Variants in ZFAND3 observed in about 807,000 individuals in gnomAD.
ZFAND3 encodes the protein zinc finger AN1-type containing 3, also known as AN1-type zinc finger protein 3.
In ZFAND3, 10 loss-of-function variants were observed where a neutral mutation model predicts 29.6. The ratio of observed to expected loss-of-function variants is 0.34; its 90% CI spans 0.21 to 0.57. The LOEUF is 0.57. ZFAND3 is among the 20% of genes least tolerant of loss of function. ZFAND3 has a pLI of 0.86. For missense variants in ZFAND3, 230 were observed against 304.5 expected (o/e 0.76, Z 1.82); for synonymous variants, 128 against 112.6 (o/e 1.14, Z -0.87).
intron 1 of ZFAND3, among the ~76,000 whole-genome samples, chr6:37,873,202 C>T (rs988362864): frequency 1.3e-5 from 2 of 152,024 alleles, no homozygotes; most frequent in Non-Finnish European, 2.9e-5. Context: ...ACCCGGGAGG[C>T]GAAGCTTGCG....
rs573377222 is a variant in ZFAND3 at position 38,071,734 on chromosome 6, T to C, written c.295+9959T>C. Among the ~76,000 whole-genome samples the C allele has an allele frequency of 5.9e-5, 9 of 152,308 alleles. No homozygotes were observed. The East Asian group carries it at 1.7e-3, about 29-fold the overall frequency. On this transcript the variant is annotated intron_variant, in intron 3 of 5. Coordinates refer to ENST00000287218, the MANE Select transcript of ZFAND3 (RefSeq NM_021943.3). ...TTCTTCTATGTTCTTGGCAAGAGAATGTCATCTCTCTGCACAAGTTTAGAG... is the reference window on the plus strand; with the variant it reads ...TTCTTCTATGTTCTTGGCAAGAGAACGTCATCTCTCTGCACAAGTTTAGAG...
At chr6:37,991,766 C>G (rs71569399) in intron 2 of ZFAND3, among the ~76,000 whole-genome samples, 11,561 of 152,186 alleles carry the variant, frequency 0.076, 536 homozygotes, top group African/African-American at 0.13. Context: ...GTGTGTCTGT[C>G]AGTTTTCTTA....
At chr6:38,138,930 G>T (rs1277078427) in intron 5 of ZFAND3, among the ~76,000 whole-genome samples, 1 of 152,156 alleles carries the variant, frequency 6.6e-6, no homozygotes, top group Non-Finnish European at 1.5e-5. Flanking sequence ...TTCATAGATG[G>T]AAATATAAGT....
At chr6:37,870,292 CAAAAAA>C (rs1174577231) in intron 1 of ZFAND3, among the ~76,000 whole-genome samples, 2 of 33,488 alleles carry the variant, frequency 6.0e-5, no homozygotes, top group African/African-American at 1.3e-4. Flanking sequence ...GAGACTGTCT[CAAAAAA>C]AAAAAAAAAA....
chr6:37,832,633 A>G (rs948226845), intron 1 of ZFAND3, among the ~76,000 whole-genome samples: 1 of 152,096 alleles, frequency 6.6e-6, no homozygotes, highest in Non-Finnish European at 1.5e-5. Context: ...AGCTTATAAG[A>G]CAGTTTCTTG....
At chr6:38,038,232 G>A (rs1763695641) in intron 2 of ZFAND3, among the ~76,000 whole-genome samples, 1 of 152,156 alleles carries the variant, frequency 6.6e-6, no homozygotes, top group African/African-American at 2.4e-5. Context: ...AGCTCTGTTA[G>A]AGAGCTTTGT....
chr6:37,844,657 T>G (rs1764144506), intron 1 of ZFAND3, among the ~76,000 whole-genome samples: 1 of 152,028 alleles, frequency 6.6e-6, no homozygotes. Flanking sequence ...AGCTGTGGTC[T>G]GCTGGCTGAG....
chr6:37,876,677 A>G (rs550152264), intron 1 of ZFAND3, among the ~76,000 whole-genome samples: 1 of 152,322 alleles, frequency 6.6e-6, no homozygotes, highest in East Asian at 1.9e-4. Flanking sequence ...AATGGCTGAC[A>G]TGGTGTGTGT....
chr6:38,102,037 A>G (rs1411615486), intron 4 of ZFAND3, among the ~76,000 whole-genome samples: 1 of 152,166 alleles, frequency 6.6e-6, no homozygotes, highest in Non-Finnish European at 1.5e-5. Context: ...CTGCTAGATT[A>G]CCATCATTAG....
At chr6:38,053,262 T>C (rs1400109739) in intron 2 of ZFAND3, among the ~76,000 whole-genome samples, 2 of 151,624 alleles carry the variant, frequency 1.3e-5, no homozygotes, top group African/African-American at 4.8e-5. Context: ...CATTGAAGGG[T>C]TTAGGCAGGG....
At position 37,841,736 on chromosome 6, in the gene ZFAND3, GC is replaced by G. The variant is rs547644207; in HGVS notation, c.71+21726del. Among the ~76,000 whole-genome samples, 218 of 152,238 alleles carry G rather than the reference GC, an allele frequency of 1.4e-3. 1 individual carries two copies. The highest frequency in any genetic ancestry group is 4.4e-3 in the African/African-American group (181 of 41,530). On this transcript the variant is annotated intron_variant, in intron 1 of 5. Transcript: ENST00000287218. ...CTCACCTTGTGATCCACCAGCCTCGGCCCCCCAAAGCGCTGGGATTACAGGC... is the reference window on the plus strand; with the variant it reads ...CTCACCTTGTGATCCACCAGCCTCGGCCCCCAAAGCGCTGGGATTACAGGC...
chr6:37,945,303 CAG>C (rs1761881907), intron 2 of ZFAND3, among the ~76,000 whole-genome samples: 1 of 152,196 alleles, frequency 6.6e-6, no homozygotes, highest in Non-Finnish European at 1.5e-5. Context: ...ATTCCTGTCT[CAG>C]GGCTTGGGGG....
intron 4 of ZFAND3, among the ~76,000 whole-genome samples, chr6:38,095,071 T>TA: frequency 6.6e-6 from 1 of 152,338 alleles, no homozygotes. Flanking sequence ...AGGTTGTTCC[T>TA]AAAAAATTGA....
chr6:38,101,445 G>A (rs759844844), intron 4 of ZFAND3, among the ~76,000 whole-genome samples: 15 of 152,084 alleles, frequency 9.9e-5, no homozygotes, highest in Non-Finnish European at 1.8e-4. Flanking sequence ...CTAACTTTTG[G>A]TTCATTTAGC....
At chr6:38,019,770 A>C (rs1341267349) in intron 2 of ZFAND3, among the ~76,000 whole-genome samples, 2 of 152,202 alleles carry the variant, frequency 1.3e-5, no homozygotes, top group Admixed American at 6.5e-5. Context: ...CCCAGGCTGT[A>C]GTACAGTGTG....
intron 2 of ZFAND3, among the ~76,000 whole-genome samples, chr6:37,973,924 T>TCTCTATCTCAGAGAGACAGCTTTAGTG (rs1390458154): frequency 1.3e-5 from 2 of 152,228 alleles, no homozygotes; most frequent in Non-Finnish European, 2.9e-5. Flanking sequence ...TTTGATTAGT[T>TCTCTATCTCAGAGAGACAGCTTTAGTG]CTCTATCTCA....
chr6:37,976,584 CAAAAAAAAAAAA>C (rs35783371), intron 2 of ZFAND3, among the ~76,000 whole-genome samples: 17 of 76,892 alleles, frequency 2.2e-4, no homozygotes, highest in Admixed American at 2.9e-4. Context: ...ACACTGTCTC[CAAAAAAAAAAAA>C]AAAAAAAAAA....
chr6:38,072,896 G>A lies in ZFAND3; in HGVS notation c.296-9496G>A, dbSNP rs570818957. Among the ~76,000 whole-genome samples, 31 of 152,258 alleles carry A rather than the reference G, an allele frequency of 2.0e-4. No homozygotes were observed. In the South Asian group the frequency reaches 3.1e-3, roughly 15 times the overall value. On this transcript the variant is annotated intron_variant, in intron 3 of 5. Coordinates refer to ENST00000287218, the MANE Select transcript of ZFAND3 (RefSeq NM_021943.3). Reference sequence around the variant, plus strand: ...AACAATAAGATGGCACCTTAGTGAGGAATTTTTAAAATTCTGAAATATCAG... The same window carrying A: ...AACAATAAGATGGCACCTTAGTGAGAAATTTTTAAAATTCTGAAATATCAG...
intron 2 of ZFAND3, among the ~76,000 whole-genome samples, chr6:37,935,612 A>T (rs1335926890): frequency 6.6e-6 from 1 of 152,178 alleles, no homozygotes; most frequent in South Asian, 2.1e-4. Context: ...TAGTAAAGTT[A>T]TTTTGTGAAA....
Sources: allele counts gnomAD v4.1 joint callset (sites outside exome capture counted in the v4.1 genomes callset), GRCh38; gene constraint gnomAD v4.1.1; transcripts MANE v1.5; gene names NCBI Gene and HGNC (gene_info 2026-07-23, HGNC 2026-07-21).